STYX: variants seen among roughly 807,000 people sequenced by gnomAD.
STYX encodes the protein serine/threonine/tyrosine interacting protein, also known as serine/threonine/tyrosine-interacting protein.
In STYX, 20 loss-of-function variants were observed where a neutral mutation model predicts 42.7. The ratio of observed to expected loss-of-function variants is 0.47; its 90% CI spans 0.33 to 0.68. The LOEUF (loss-of-function observed/expected upper bound fraction) is 0.68, where lower values mean the gene tolerates loss of function less well. Ranked by LOEUF, STYX falls within the 30% of genes least tolerant of loss-of-function variation. The probability of loss-of-function intolerance (pLI) is 0.02; values close to 1 mark genes in which losing one functional copy is unlikely to be tolerated. For synonymous variants in STYX, 78 were observed against 81.9 expected (o/e 0.95, Z 0.26); for missense variants, 226 against 268.5 (o/e 0.84, Z 1.11).
chr14:52,745,652 C>T (rs1030255627), intron 2 of STYX, among the ~76,000 whole-genome samples: 16 of 152,196 alleles, frequency 1.1e-4, no homozygotes, highest in African/African-American at 3.6e-4. Context: ...ATGAATTAAA[C>T]GATAGCTAAC....
chr14:52,760,914 C>T (rs546530424), intron 9 of STYX, among the ~76,000 whole-genome samples: 45 of 152,258 alleles, frequency 3.0e-4, no homozygotes, highest in African/African-American at 1.1e-3. Context: ...TATCCATCCC[C>T]TCAATCATTT....
intron 1 of STYX, among the ~76,000 whole-genome samples, chr14:52,741,059 T>G (rs1348640452): frequency 6.6e-6 from 1 of 152,176 alleles, no homozygotes; most frequent in Non-Finnish European, 1.5e-5. Flanking sequence ...TCATCCATGT[T>G]GTTGTGTTTA....
chr14:52,763,865 T>C (rs1882195788), intron 9 of STYX, among the ~76,000 whole-genome samples: 3 of 152,222 alleles, frequency 2.0e-5, no homozygotes, highest in Admixed American at 1.3e-4. Flanking sequence ...TCTTTTACTA[T>C]ATTGTGTTTA....
At chr14:52,758,713 C>A (rs1881971478) in intron 8 of STYX, among the ~76,000 whole-genome samples, 1 of 152,104 alleles carries the variant, frequency 6.6e-6, no homozygotes, top group South Asian at 2.1e-4. Flanking sequence ...GTAGCTGAGA[C>A]TACAGGTGCA....
intron 1 of STYX, among the ~76,000 whole-genome samples, chr14:52,743,953 A>G (rs1881299265): frequency 6.6e-6 from 1 of 151,874 alleles, no homozygotes; most frequent in Admixed American, 6.6e-5. Flanking sequence ...TCCTGTGTAG[A>G]TGGGATTACA....
At chr14:52,760,906 T>C (rs958558266) in intron 9 of STYX, among the ~76,000 whole-genome samples, 6 of 152,224 alleles carry the variant, frequency 3.9e-5, no homozygotes, top group African/African-American at 1.4e-4. Flanking sequence ...AAATAGAGTA[T>C]CCATCCCCTC....
intron 9 of STYX, among the ~76,000 whole-genome samples, chr14:52,760,605 A>G (rs1882053307): frequency 6.6e-6 from 1 of 152,236 alleles, no homozygotes; most frequent in African/African-American, 2.4e-5. Context: ...AATATTTATT[A>G]CAAAATATAT....
At chr14:52,735,554 A>G (rs1373499850) in intron 1 of STYX, among the ~76,000 whole-genome samples, 1 of 152,228 alleles carries the variant, frequency 6.6e-6, no homozygotes, top group Non-Finnish European at 1.5e-5. Context: ...AAATAGGAGC[A>G]TATAGTTATT....
intron 1 of STYX, among the ~76,000 whole-genome samples, chr14:52,742,115 T>A (rs148110545): frequency 3.5e-4 from 53 of 152,316 alleles, no homozygotes; most frequent in African/African-American, 1.3e-3. Context: ...CAAAAGTAAC[T>A]GAATTCTAAC....
intron 1 of STYX, among the ~76,000 whole-genome samples, chr14:52,738,483 G>A (rs555530083): frequency 5.3e-5 from 8 of 152,232 alleles, no homozygotes; most frequent in Middle Eastern, 3.4e-3. Flanking sequence ...ATATGTGCCT[G>A]TTTGTTTTAA....
At chr14:52,769,153 C>A (rs758133524) in intron 10 of STYX, among the ~76,000 whole-genome samples, 1 of 152,030 alleles carries the variant, frequency 6.6e-6, no homozygotes, top group Non-Finnish European at 1.5e-5. Context: ...TAAAATAATA[C>A]GAATCTGGAG....
intron 1 of STYX, among the ~76,000 whole-genome samples, chr14:52,734,690 C>T (rs575701499): frequency 6.6e-6 from 1 of 152,294 alleles, no homozygotes; most frequent in East Asian, 1.9e-4. Context: ...AAAGCCAATT[C>T]GTTCCGTATT....
intron 3 of STYX, among the ~76,000 whole-genome samples, chr14:52,750,243 G>A (rs2139903008): frequency 6.6e-6 from 1 of 152,288 alleles, no homozygotes; most frequent in East Asian, 1.9e-4. Context: ...GAGTTGTCTA[G>A]AGATTTGGGT....
intron 8 of STYX, among the ~76,000 whole-genome samples, 195 bp downstream of exon 8, chr14:52,758,119 T>C (rs934760634): frequency 1.3e-5 from 2 of 152,218 alleles, no homozygotes; most frequent in South Asian, 4.1e-4. Flanking sequence ...TAGGCTAATA[T>C]GGAAATCCTA....
At chr14:52,742,768 CCTT>C (rs770623761) in intron 1 of STYX, among the ~76,000 whole-genome samples, 74 of 151,692 alleles carry the variant, frequency 4.9e-4, no homozygotes, top group Non-Finnish European at 8.8e-4. Context: ...TAACTGGCCT[CCTT>C]CTGATTGATT....
At chr14:52,751,339 A>G (rs1881602459) in intron 4 of STYX, among the ~76,000 whole-genome samples, 1 of 152,242 alleles carries the variant, frequency 6.6e-6, no homozygotes, top group African/African-American at 2.4e-5. Flanking sequence ...AGTCTGTTAG[A>G]TATTTAGATT....
At chr14:52,746,380 G>C in intron 2 of STYX, 46 bp from the exon 3 acceptor site, 1 of 1,448,602 alleles carries the variant, frequency 6.9e-7, no homozygotes, top group Non-Finnish European at 9.4e-7. Context: ...TAGCCTTATA[G>C]ATTTAAATTG....
In STYX at chr14:52,757,726, G is replaced by C; in HGVS notation, c.341-17G>C. On this transcript the variant is annotated splice_polypyrimidine_tract_variant and intron_variant, in intron 6 of 10. Coordinates refer to ENST00000354586, the MANE Select transcript of STYX (RefSeq NM_145251.4). The stretch of plus-strand genomic sequence containing the variant: ...TCAGGTGTTTTTCTATTAGAATAAT[G>C]AATTCATGTTTTTCAGGAAAAGTTC... 6.2e-7 allele frequency: 1 copy of C among 1,612,906 alleles called. No homozygotes were observed. Among genetic ancestry groups the C allele is most frequent in the Non-Finnish European group, 8.5e-7 (1 of 1,179,374 alleles).
chr14:52,747,517 A>G (rs1881436414), intron 3 of STYX, among the ~76,000 whole-genome samples: 1 of 152,196 alleles, frequency 6.6e-6, no homozygotes, highest in South Asian at 2.1e-4. Context: ...TAGTAAAAAT[A>G]AGTACTAGGG....
Sources: gnomAD v4.1 joint callset for allele counts (sites outside exome capture counted in the v4.1 genomes callset) on GRCh38, gnomAD v4.1.1 for gene constraint, MANE v1.5 for transcripts, NCBI Gene and HGNC (gene_info 2026-07-23, HGNC 2026-07-21) for gene names.